AMHR2: variants seen among roughly 807,000 people sequenced by gnomAD.
The protein encoded by AMHR2 is anti-Muellerian hormone type-2 receptor.
Under a neutral mutation model 61.4 loss-of-function variants are expected in AMHR2, and 36 were observed. That is an observed-to-expected ratio of 0.59 (90% CI 0.45 to 0.77). The LOEUF is 0.77. AMHR2 is among the 30% of genes least tolerant of loss of function. The pLI is 0.00. For synonymous variants in AMHR2, 258 were observed against 279.4 expected (o/e 0.92, Z 0.76); for missense variants, 638 against 714.6 (o/e 0.89, Z 1.22).
chr12:53,430,671 TC>T (rs1940032551), intron 10 of AMHR2: 7 of 377,216 alleles, frequency 1.9e-5, no homozygotes, highest in Middle Eastern at 8.6e-4. Flanking sequence ...ATTCAATAAG[TC>T]CCCATTCTGT....
In AMHR2 at chr12:53,425,769, G is replaced by A. The variant is rs56226427; in HGVS notation, c.702G>A (p.Pro234=). 1.1e-5 allele frequency: 18 copies of A among 1,614,032 alleles called. No individual in the cohort carries two copies. The highest frequency in any genetic ancestry group is 4.4e-5 in the South Asian group (4 of 91,084). The change falls in exon 6 of 11, where the codon CCG becomes CCA. Residue 234 remains proline, a synonymous_variant. Coordinates refer to ENST00000257863, the MANE Select transcript of AMHR2 (RefSeq NM_020547.3). ...GKLVAIKAFP[P]RSVAQFQAER... ...TGGTTGCCATCAAGGCCTTCCCACC[G>A]AGGTCTGTGGCTCAGTTCCAAGCTG...
At chr12:53,424,058 C>T in intron 1 of AMHR2, 75 bp downstream of exon 1, 1 of 1,562,148 alleles carries the variant, frequency 6.4e-7, no homozygotes, top group Non-Finnish European at 8.8e-7. Context: ...GCAAGAGCCA[C>T]CCCTTTGGAA....
At chr12:53,427,442 G>C (rs1438085532) in intron 6 of AMHR2, among the ~76,000 whole-genome samples, 1 of 152,132 alleles carries the variant, frequency 6.6e-6, no homozygotes, top group Non-Finnish European at 1.5e-5. Context: ...GTCTCATTCT[G>C]TTGACTAGGC....
rs756826523 is a variant in AMHR2, at chr12:53,431,405, C to T, written c.1654C>T (p.His552Tyr). The T allele has an allele frequency of 1.5e-5, 25 of 1,614,124 alleles. No homozygotes were observed. In the Admixed American group the frequency reaches 3.5e-4, roughly 23 times the overall value. The change falls in exon 11 of 11, where the codon CAC becomes TAC. Residue 552 changes from histidine (H) to tyrosine (Y), a missense_variant. Coordinates refer to ENST00000257863, the MANE Select transcript of AMHR2 (RefSeq NM_020547.3). ...LPCRPQRSACHFSVQQGPCSR... is the reference protein window; with the variant it reads ...LPCRPQRSACYFSVQQGPCSR... ...CTGTAGGCCTCAGCGGAGTGCCTGC[C>T]ACTTCAGCGTTCAGCAAGGCCCTTG...
intron 4 of AMHR2, 106 bp from the exon 5 acceptor site, chr12:53,425,349 T>C: frequency 6.2e-7 from 1 of 1,604,920 alleles, no homozygotes. Context: ...CTCTATAGCC[T>C]GATTCCCGGA....
At chr12:53,427,884 T>G (rs557882508) in intron 6 of AMHR2, among the ~76,000 whole-genome samples, 8 of 152,318 alleles carry the variant, frequency 5.3e-5, no homozygotes, top group Admixed American at 4.6e-4. Flanking sequence ...CAGGACTGTG[T>G]GTGTCTCTGT....
In AMHR2 at chr12:53,425,162, C is replaced by T; in HGVS notation, c.425-3C>T. 1 of 1,613,788 alleles carries T rather than the reference C, an allele frequency of 6.2e-7. No individual in the cohort carries two copies. The highest frequency in any genetic ancestry group is 8.5e-7 in the Non-Finnish European group (1 of 1,180,014). On this transcript the variant is annotated splice_polypyrimidine_tract_variant and splice_region_variant and intron_variant, in intron 3 of 10. Coordinates refer to ENST00000257863, the MANE Select transcript of AMHR2 (RefSeq NM_020547.3). Reference sequence around the variant, plus strand: ...CAGCCTGCATTCTTGCCTTGATGTCCAGGTGAGTCCATCTGGATGGCACTG... The same window carrying T: ...CAGCCTGCATTCTTGCCTTGATGTCTAGGTGAGTCCATCTGGATGGCACTG...
intron 3 of AMHR2, 89 bp from the exon 4 acceptor site, chr12:53,425,076 G>A (rs1939435669): frequency 6.2e-7 from 1 of 1,602,546 alleles, no homozygotes; most frequent in Non-Finnish European, 8.5e-7. Flanking sequence ...GGGTGGGGGT[G>A]GGTTGAGACG....
chr12:53,430,295 G>A lies in AMHR2; in HGVS notation c.1425+13G>A. On this transcript the variant is annotated intron_variant, in intron 10 of 10. Transcript: ENST00000257863. ...CTGCTTTGCCACAGTAAGAGGCCTA[G>A]GCTGTTGGTCTGGGAACCTGGAGAG... is the stretch of plus-strand genomic sequence containing the variant. 6.2e-7 allele frequency: 1 copy of A among 1,614,178 alleles called. No homozygotes were observed.
Position 53,428,998 on chromosome 12 carries a change from C to G in AMHR2, c.955C>G (p.Arg319Gly). 6.4e-7 allele frequency: 1 copy of G among 1,550,988 alleles called. No individual in the cohort carries two copies. The highest frequency in any genetic ancestry group is 2.4e-5 in the East Asian group (1 of 40,910). ...AQGLAFLHEERWQNGQYKPGI... is the reference protein window; with the variant it reads ...AQGLAFLHEEGWQNGQYKPGI... ...GGGCCTGGCATTTCTCCATGAGGAG[C>G]GCTGGCAGAATGGTGGGTGAGCTGG... The change falls in exon 7 of 11, where the codon CGC becomes GGC. Residue 319 changes from arginine (R) to glycine (G), a missense_variant. Arg to Gly is a moderately radical substitution (Grantham distance 125). Coordinates refer to ENST00000257863, the MANE Select transcript of AMHR2 (RefSeq NM_020547.3).
At position 53,431,280 on chromosome 12, in the gene AMHR2, A is replaced by T. The variant is rs759395736; in HGVS notation, c.1529A>T (p.His510Leu). ...CAGCAGCGCCTGGCTGCCTTGGCCCATCCTCAAGAGAGCCACCCCTTTCCA... is the reference window on the plus strand; with the variant it reads ...CAGCAGCGCCTGGCTGCCTTGGCCCTTCCTCAAGAGAGCCACCCCTTTCCA... ...CVQQRLAALA[H>L]PQESHPFPES... Residue 510 changes from histidine to leucine, a missense_variant, in exon 11 of 11, where the codon CAT becomes CTT. Transcript: ENST00000257863. 6.2e-7 allele frequency: 1 copy of T among 1,614,204 alleles called. No individual in the cohort carries two copies. The highest frequency in any genetic ancestry group is 1.7e-5 in the Admixed American group (1 of 60,014).
At chr12:53,429,121 G>A (rs1341557938) in intron 7 of AMHR2, 111 bp downstream of exon 7, 5 of 1,030,734 alleles carry the variant, frequency 4.9e-6, no homozygotes, top group African/African-American at 1.6e-5. Flanking sequence ...AGCCGGGCAC[G>A]GTGGCTCACG....
chr12:53,430,909 T>A (rs1773796651), intron 10 of AMHR2: 1 of 547,144 alleles, frequency 1.8e-6, no homozygotes, highest in South Asian at 2.2e-5. Context: ...GGAAAGAGAG[T>A]AATTTCCCAT....
intron 6 of AMHR2, 100 bp downstream of exon 6, chr12:53,426,019 C>A (rs192904148): frequency 3.3e-6 from 4 of 1,208,028 alleles, no homozygotes; most frequent in Non-Finnish European, 4.8e-6. Context: ...CTTCTGCTTT[C>A]GATTTTCTCT....
chr12:53,424,258 A>G lies in AMHR2; in HGVS notation c.50-30A>G. On this transcript the variant is annotated intron_variant, in intron 1 of 10. Coordinates refer to ENST00000257863, the MANE Select transcript of AMHR2 (RefSeq NM_020547.3). Reference sequence around the variant, plus strand: ...GCCTCTGCATTCACTCCCACCTTGAATCTTTTCCTTTCCCCACCCTGGGCC... The same window carrying G: ...GCCTCTGCATTCACTCCCACCTTGAGTCTTTTCCTTTCCCCACCCTGGGCC... The G allele has an allele frequency of 1.2e-6, 2 of 1,612,046 alleles. No individual in the cohort carries two copies. Among genetic ancestry groups the G allele is most frequent in the Non-Finnish European group, 1.7e-6 (2 of 1,179,876 alleles).
At chr12:53,426,278 C>T (rs997359852) in intron 6 of AMHR2, among the ~76,000 whole-genome samples, 5 of 152,048 alleles carry the variant, frequency 3.3e-5, no homozygotes, top group East Asian at 3.9e-4. Flanking sequence ...TGCAGTGAGC[C>T]GTGAGCATCC....
At position 53,423,879 on chromosome 12, in the gene AMHR2, G is replaced by C; in HGVS notation, c.-56G>C. On this transcript the variant is annotated 5_prime_UTR_variant, in exon 1 of 11. Coordinates refer to ENST00000257863, the MANE Select transcript of AMHR2 (RefSeq NM_020547.3). ...TGTATCTGAAGAAAGATTTGGCCAG[G>C]GGCAGCTGTGCTGGCTTATGCTCTT... 1 of 1,597,530 alleles carries C rather than the reference G, an allele frequency of 6.3e-7. No individual in the cohort carries two copies. The highest frequency in any genetic ancestry group is 1.1e-5 in the South Asian group (1 of 90,486).
At chr12:53,427,785 AG>A (rs1939742280) in intron 6 of AMHR2, among the ~76,000 whole-genome samples, 1 of 152,224 alleles carries the variant, frequency 6.6e-6, no homozygotes, top group Admixed American at 6.5e-5. Context: ...CATGGGGCTC[AG>A]AAAAGGAAAG....
chr12:53,429,722 G>C, intron 8 of AMHR2, 97 bp downstream of exon 8: 1 of 1,599,072 alleles, frequency 6.3e-7, no homozygotes, highest in African/African-American at 1.3e-5. Flanking sequence ...AATACCTATA[G>C]CATTTGGGAC....
Sources: gnomAD v4.1 joint callset for allele counts (sites outside exome capture counted in the v4.1 genomes callset) on GRCh38, gnomAD v4.1.1 for gene constraint, MANE v1.5 for transcripts, NCBI Gene and HGNC (gene_info 2026-07-23, HGNC 2026-07-21) for gene names.